CSNK1D: variants seen among roughly 807,000 people sequenced by gnomAD.
The protein encoded by CSNK1D is casein kinase I isoform delta.
A neutral mutation model predicts 46.6 loss-of-function variants in CSNK1D; 16 were observed. The observed-to-expected ratio is 0.34, with a 90% CI of 0.23 to 0.52. The LOEUF (loss-of-function observed/expected upper bound fraction) is 0.52. CSNK1D is among the 20% of genes least tolerant of loss of function. The pLI is 0.95. For missense variants in CSNK1D, 398 were observed against 578.4 expected (o/e 0.69, Z 3.20); for synonymous variants, 276 against 228.2 (o/e 1.21, Z -1.89).
chr17:82,263,040 C>G (rs140403190), intron 2 of CSNK1D, among the ~76,000 whole-genome samples: 2,453 of 152,184 alleles, frequency 0.016, 33 homozygotes, highest in Middle Eastern at 0.034. Context: ...ATTAGCCAGG[C>G]AGGGTGGCTC....
chr17:82,244,475 C>A lies in CSNK1D; in HGVS notation c.*306G>T. ...ATCGTCAGGGAGTACAGGGCGGCCACCACTGGAGGGAGCTGAGGCCCTGGA... is the reference window on the plus strand; with the variant it reads ...ATCGTCAGGGAGTACAGGGCGGCCAACACTGGAGGGAGCTGAGGCCCTGGA... On this transcript the variant is annotated 3_prime_UTR_variant, in exon 9 of 9. Transcript: ENST00000314028. 1.5e-6 allele frequency: 2 copies of A among 1,375,814 alleles called. No individual in the cohort carries two copies. The highest frequency in any genetic ancestry group is 1.5e-5 in the South Asian group (1 of 66,916). The allele number at this position is 1,375,814 out of a possible 1,614,324, so 85.2% of individuals were successfully genotyped here. A position where few individuals can be genotyped will look rare whatever the true frequency, so the allele number is the denominator to read the frequency against.
In CSNK1D at chr17:82,248,816, C is replaced by T; in HGVS notation, c.1197+59G>A. 1 of 1,576,578 alleles carries T rather than the reference C, an allele frequency of 6.3e-7. No individual in the cohort carries two copies. The highest frequency in any genetic ancestry group is 8.6e-7 in the Non-Finnish European group (1 of 1,160,976). On this transcript the variant is annotated intron_variant, in intron 8 of 8. Transcript: ENST00000314028. The surrounding 1 kb of genome is among the most constrained non-coding windows in gnomAD (Gnocchi z 4.1). ...GAAGCCCTGGAGAAACCACAGCCCG[C>T]TCTTGACTCGGACGGGGTAGCCCGA...
In CSNK1D at chr17:82,252,376, C is replaced by G. The variant is rs1003764784; in HGVS notation, c.736+58G>C. On this transcript the variant is annotated intron_variant, in intron 5 of 8. Coordinates refer to ENST00000314028, the MANE Select transcript of CSNK1D (RefSeq NM_001893.6). The surrounding 1 kb of genome is among the most constrained non-coding windows in gnomAD (Gnocchi z 4.6). ...CCAGACTGAGCCGTCTCGGCACACCCGACACATATGCAACCCCTGTGAGCA... is the reference window on the plus strand; with the variant it reads ...CCAGACTGAGCCGTCTCGGCACACCGGACACATATGCAACCCCTGTGAGCA... 6.3e-7 allele frequency: 1 copy of G among 1,595,642 alleles called. No homozygotes were observed. Among genetic ancestry groups the G allele is most frequent in the East Asian group, 2.2e-5 (1 of 44,810 alleles).
rs2050997838 is a variant in CSNK1D, at chr17:82,251,126, G to A, written c.885+253C>T. On this transcript the variant is annotated intron_variant, in intron 6 of 8. Transcript: ENST00000314028. This position sits in a 1 kb window ranked among gnomAD's most constrained non-coding sequence, Gnocchi z 4.5. Reference sequence around the variant, plus strand: ...CTCCGCTTGGTGACAGGGAGGGAAGGGGCCTCCTGCTGTCCACACCCAGGA... The same window carrying A: ...CTCCGCTTGGTGACAGGGAGGGAAGAGGCCTCCTGCTGTCCACACCCAGGA... 3.0e-5 allele frequency: 15 copies of A among 496,772 alleles called. No homozygotes were observed. The South Asian group carries it at 3.0e-4, about 10-fold the overall frequency. 30.8% of individuals were successfully genotyped at this position (496,772 alleles called of 1,614,324 possible). A position where few individuals can be genotyped will look rare whatever the true frequency, so the allele number is the denominator to read the frequency against.
chr17:82,260,776 G>A (rs2051319383), intron 2 of CSNK1D: 1 of 155,212 alleles, frequency 6.4e-6, no homozygotes, highest in Admixed American at 6.5e-5. Flanking sequence ...TGATGTGACT[G>A]ATGGTGTACT....
chr17:82,246,946 G>T, intron 8 of CSNK1D: 1 of 985,526 alleles, frequency 1.0e-6, no homozygotes, highest in Non-Finnish European at 1.2e-6. Flanking sequence ...TTCAAAACGG[G>T]AGCTGCTGCT....
At chr17:82,253,276 C>A in intron 3 of CSNK1D, 32 bp from the exon 4 acceptor site, 1 of 1,568,256 alleles carries the variant, frequency 6.4e-7, no homozygotes, top group Non-Finnish European at 8.8e-7. Flanking sequence ...GAGATGGCAC[C>A]CCAGGGCAGT....
downstream of CSNK1D, among the ~76,000 whole-genome samples, chr17:82,242,186 T>A (rs536431280): frequency 1.3e-4 from 17 of 135,382 alleles, no homozygotes; most frequent in South Asian, 1.8e-3. Flanking sequence ...CCGCAGGCCT[T>A]GGATAGGGGC....
chr17:82,270,757 A>G lies in CSNK1D; in HGVS notation c.76+2549T>C, dbSNP rs531242685. Among the ~76,000 whole-genome samples, 11 of 152,248 alleles carry G rather than the reference A, an allele frequency of 7.2e-5. No individual in the cohort carries two copies. The East Asian group carries it at 7.7e-4, about 11-fold the overall frequency. The stretch of plus-strand genomic sequence containing the variant: ...GGAGCCAATGCTGATGGGAAAAAAA[A>G]AAATCAGCTGTGCCTAACCCCACTC... On this transcript the variant is annotated intron_variant, in intron 1 of 8. Transcript: ENST00000314028.
chr17:82,273,193 G>T lies in CSNK1D; in HGVS notation c.76+113C>A. On this transcript the variant is annotated intron_variant, in intron 1 of 8. Transcript: ENST00000314028. The surrounding 1 kb of genome is among the most constrained non-coding windows in gnomAD (Gnocchi z 5.1). Reference sequence around the variant, plus strand: ...TTCTGGCCACGATCCGGCGGTGCCGGGACTTGCGCGGAGACCCCGCGGGGG... The same window carrying T: ...TTCTGGCCACGATCCGGCGGTGCCGTGACTTGCGCGGAGACCCCGCGGGGG... The T allele has an allele frequency of 9.0e-7, 1 of 1,106,778 alleles. No homozygotes were observed. The highest frequency in any genetic ancestry group is 1.4e-5 in the South Asian group (1 of 70,632). The allele number at this position is 1,106,778 out of a possible 1,614,324, so 68.6% of individuals were successfully genotyped here.
At chr17:82,246,771 C>T (rs2050861121) in intron 8 of CSNK1D, 23 of 990,952 alleles carry the variant, frequency 2.3e-5, no homozygotes, top group Non-Finnish European at 2.8e-5. Context: ...CTCCACAGGG[C>T]GCAAGGTCTC....
At position 82,252,347 on chromosome 17, in the gene CSNK1D, A is replaced by C; in HGVS notation, c.736+87T>G. 6.6e-7 allele frequency: 1 copy of C among 1,518,872 alleles called. No individual in the cohort carries two copies. The highest frequency in any genetic ancestry group is 2.2e-4 in the Middle Eastern group (1 of 4,600). The allele number at this position is 1,518,872 out of a possible 1,614,324, so 94.1% of individuals were successfully genotyped here. On this transcript the variant is annotated intron_variant, in intron 5 of 8. Coordinates refer to ENST00000314028, the MANE Select transcript of CSNK1D (RefSeq NM_001893.6). The surrounding 1 kb of genome is among the most constrained non-coding windows in gnomAD (Gnocchi z 4.6). Reference sequence around the variant, plus strand: ...TGGAAGGTGAGCAACTCTTCTGACAAAACCCAGACTGAGCCGTCTCGGCAC... The same window carrying C: ...TGGAAGGTGAGCAACTCTTCTGACACAACCCAGACTGAGCCGTCTCGGCAC...
At chr17:82,240,449 C>T (rs2050727097), downstream of CSNK1D, among the ~76,000 whole-genome samples, 1 of 152,228 alleles carries the variant, frequency 6.6e-6, no homozygotes. Flanking sequence ...GGGTTGCCGC[C>T]TCTGGACCTG....
In CSNK1D at chr17:82,248,701, A is replaced by G; in HGVS notation, c.1197+174T>C. ...CCCATGACGGCCCAGCATGTCTCCC[A>G]GGCCCTCCCGAGAAGCCTCATCTGC... On this transcript the variant is annotated intron_variant, in intron 8 of 8. Transcript: ENST00000314028. The surrounding 1 kb of genome is among the most constrained non-coding windows in gnomAD (Gnocchi z 4.1). 6.9e-6 allele frequency: 10 copies of G among 1,446,052 alleles called. No homozygotes were observed. The highest frequency in any genetic ancestry group is 9.1e-6 in the Non-Finnish European group (10 of 1,100,024). The allele number at this position is 1,446,052 out of a possible 1,614,324, so 89.6% of individuals were successfully genotyped here.
At chr17:82,247,237 G>C (rs1369740746) in intron 8 of CSNK1D, 1 of 985,328 alleles carries the variant, frequency 1.0e-6, no homozygotes, top group Non-Finnish European at 1.2e-6. Context: ...AGAGCCAGCT[G>C]CGGGTTCCTG....
chr17:82,243,962 G>T lies in CSNK1D; in HGVS notation c.*819C>A, dbSNP rs1209898119. The T allele has an allele frequency of 1.8e-5, 18 of 985,670 alleles. No individual in the cohort carries two copies. The highest frequency in any genetic ancestry group is 2.2e-5 in the Non-Finnish European group (18 of 830,204). The allele number at this position is 985,670 out of a possible 1,614,324, so 61.1% of individuals were successfully genotyped here. A position where few individuals can be genotyped will look rare whatever the true frequency, so the allele number is the denominator to read the frequency against. ...CTCAGCTGCCTGCCCACCTCCTGGG[G>T]AAGAAGCGCGCAGTGCTTTGCCTGG... On this transcript the variant is annotated 3_prime_UTR_variant, in exon 9 of 9. Coordinates refer to ENST00000314028, the MANE Select transcript of CSNK1D (RefSeq NM_001893.6).
At chr17:82,260,625 A>C (rs542831486) in intron 2 of CSNK1D, among the ~76,000 whole-genome samples, 46 of 146,234 alleles carry the variant, frequency 3.1e-4, no homozygotes, top group Non-Finnish European at 6.1e-4. Flanking sequence ...CTGATGGTGT[A>C]CTGAGTGACG....
At chr17:82,246,665 T>C (rs2050858282) in intron 8 of CSNK1D, 3 of 997,082 alleles carry the variant, frequency 3.0e-6, no homozygotes, top group Non-Finnish European at 3.6e-6. Flanking sequence ...TGGGGGCCTC[T>C]GTGACCTACA....
chr17:82,245,109 C>T (rs2147150578), intron 8 of CSNK1D: 9 of 584,872 alleles, frequency 1.5e-5, no homozygotes, highest in South Asian at 1.0e-4. Flanking sequence ...GGAGCGGAGA[C>T]GGGTGCTCCT....
Sources: allele counts gnomAD v4.1 joint callset (sites outside exome capture counted in the v4.1 genomes callset), GRCh38; gene constraint gnomAD v4.1.1; non-coding constraint Gnocchi (gnomAD v3.1); transcripts MANE v1.5; gene names NCBI Gene and HGNC (gene_info 2026-07-23, HGNC 2026-07-21).